The following RNF133 variants were observed in gnomAD, a reference collection of about 807,000 sequenced individuals.
RNF133 encodes the protein E3 ubiquitin-protein ligase RNF133.
For missense variants in RNF133, 469 were observed against 450.5 expected (o/e 1.04, Z -0.37); for synonymous variants, 153 against 152.1 (o/e 1.01, Z -0.04).
chr7:122,698,702 C>T lies in RNF133; in HGVS notation c.217G>A (p.Gly73Arg), dbSNP rs370998344. Residue 73 changes from glycine (G) to arginine (R), a missense_variant, in exon 1 of 1, where the codon GGA (glycine) becomes AGA (arginine). Gly to Arg is a moderately radical substitution (Grantham distance 125). Coordinates refer to ENST00000340112, the MANE Select transcript of RNF133 (RefSeq NM_139175.2). ...TTTCCCTCTGGTGGCACTATAACTC[C>T]TGCCACTCTCTTCAAAGTGGAGCTT... ...GRSSTLKRVA[G>R]VIVPPEGKIQ... 24 of 1,613,290 alleles carry T rather than the reference C, an allele frequency of 1.5e-5. No homozygotes were observed. The highest frequency in any genetic ancestry group is 6.8e-6 in the Non-Finnish European group (8 of 1,179,480).
chr7:122,698,011 A>T lies in RNF133; in HGVS notation c.908T>A (p.Val303Asp). 1 of 1,613,448 alleles carries T rather than the reference A, an allele frequency of 6.2e-7. No individual in the cohort carries two copies. The highest frequency in any genetic ancestry group is 8.5e-7 in the Non-Finnish European group (1 of 1,179,776). The change falls in exon 1 of 1, where the codon GTT becomes GAT. Residue 303 changes from valine to aspartate, a missense_variant. Transcript: ENST00000340112. ...CPICKCDILK[V>D]LGIQVVVENG... ...TTCAACAACCACTTGAATCCCCAAAACTTTAAGAATATCACATTTGCAAAT... is the reference window on the plus strand; with the variant it reads ...TTCAACAACCACTTGAATCCCCAAATCTTTAAGAATATCACATTTGCAAAT...
At position 122,698,610 on chromosome 7, in the gene RNF133, T is replaced by C. The variant is rs373664210; in HGVS notation, c.309A>G (p.Ala103=). 2.7e-5 allele frequency: 43 copies of C among 1,613,946 alleles called. No homozygotes were observed. Among genetic ancestry groups the C allele is most frequent in the Admixed American group, 6.7e-5 (4 of 59,982 alleles). Residue 103 remains alanine (A), a synonymous_variant, in exon 1 of 1, where the codon GCA becomes GCG. Coordinates refer to ENST00000340112, the MANE Select transcript of RNF133 (RefSeq NM_139175.2). ...AGGTACAACCTCCCCGTTCAATAAG[T>C]GCAAGCCAGGTCTCTGAGTACTTTG... The part of the protein sequence containing the change: ...SRSKYSETWL[A]LIERGGCTFT...
Position 122,699,116 on chromosome 7 carries a change from T to C in RNF133, c.-198A>G, listed in dbSNP as rs1225683010. 2 of 540,596 alleles carry C rather than the reference T, an allele frequency of 3.7e-6. No homozygotes were observed. The highest frequency in any genetic ancestry group is 2.9e-5 in the South Asian group (1 of 34,676). 33.5% of individuals were successfully genotyped at this position (540,596 alleles called of 1,614,324 possible). On this transcript the variant is annotated 5_prime_UTR_variant, in exon 1 of 1. Transcript: ENST00000340112. ...CTAGAGAGAGGTGAAAAACTTTAGA[T>C]TGAAAAATAAATCCCCTACTGTTAA...
rs2085620150 is a variant in RNF133, at chr7:122,699,070, T to A, written c.-152A>T. Reference sequence around the variant, plus strand: ...TTTGTAAGAAATTCTTAAAGATGGCTTATGAGTTTCAGATGTCTTACTAGA... The same window carrying A: ...TTTGTAAGAAATTCTTAAAGATGGCATATGAGTTTCAGATGTCTTACTAGA... On this transcript the variant is annotated 5_prime_UTR_variant, in exon 1 of 1. In the 5' UTR this introduces an upstream ATG that the reference lacks. Transcript: ENST00000340112. 6 of 607,448 alleles carry A rather than the reference T, an allele frequency of 9.9e-6. No homozygotes were observed. The highest frequency in any genetic ancestry group is 7.0e-5 in the Admixed American group (2 of 28,460). The allele number at this position is 607,448 out of a possible 1,614,324, so 37.6% of individuals were successfully genotyped here.
In RNF133 at chr7:122,699,060, T is replaced by C. The variant is rs757605766; in HGVS notation, c.-142A>G. The stretch of plus-strand genomic sequence containing the variant: ...CCAGCATGTTTTTGTAAGAAATTCT[T>C]AAAGATGGCTTATGAGTTTCAGATG... On this transcript the variant is annotated 5_prime_UTR_variant, in exon 1 of 1. Transcript: ENST00000340112. The C allele has an allele frequency of 7.4e-5, 46 of 618,808 alleles. No homozygotes were observed. The highest frequency in any genetic ancestry group is 1.2e-4 in the Non-Finnish European group (43 of 357,048). The allele number at this position is 618,808 out of a possible 1,614,324, so 38.3% of individuals were successfully genotyped here.
chr7:122,698,594 C>CT lies in RNF133; in HGVS notation c.324dup (p.Gly109ArgfsTer9). ...TTAATTTTCTGTGTGAAGGTACAAC[C>CT]TCCCCGTTCAATAAGTGCAAGCCAG... On this transcript the variant is annotated frameshift_variant, in exon 1 of 1. Transcript: ENST00000340112. LOFTEE classifies it low-confidence loss of function (END_TRUNC). The CT allele has an allele frequency of 6.2e-7, 1 of 1,613,990 alleles. No homozygotes were observed.
In RNF133 at chr7:122,698,704, G is replaced by C. The variant is rs1025576306; in HGVS notation, c.215C>G (p.Ala72Gly). Residue 72 changes from alanine to glycine, a missense_variant, in exon 1 of 1, where the codon GCA (alanine) becomes GGA (glycine). Transcript: ENST00000340112. ...TCCCTCTGGTGGCACTATAACTCCTGCCACTCTCTTCAAAGTGGAGCTTCT... is the reference window on the plus strand; with the variant it reads ...TCCCTCTGGTGGCACTATAACTCCTCCCACTCTCTTCAAAGTGGAGCTTCT... ...FGRSSTLKRV[A>G]GVIVPPEGKI... The C allele has an allele frequency of 1.2e-6, 2 of 1,613,482 alleles. No individual in the cohort carries two copies. Among genetic ancestry groups the C allele is most frequent in the African/African-American group, 1.3e-5 (1 of 74,914 alleles).
In RNF133 at chr7:122,697,769, T is replaced by C. The variant is rs551798074; in HGVS notation, c.*19A>G. 1 of 1,543,586 alleles carries C rather than the reference T, an allele frequency of 6.5e-7. No individual in the cohort carries two copies. Among genetic ancestry groups the C allele is most frequent in the South Asian group, 1.3e-5 (1 of 77,910 alleles). ...GATTTCACATACAGGTTTAATACAC[T>C]TCCTCAAAAGTCATGCCATCAAGGT... On this transcript the variant is annotated 3_prime_UTR_variant, in exon 1 of 1. Coordinates refer to ENST00000340112, the MANE Select transcript of RNF133 (RefSeq NM_139175.2).
At position 122,698,721 on chromosome 7, in the gene RNF133, G is replaced by T. The variant is rs1564097005; in HGVS notation, c.198C>A (p.Ser66=). 3.1e-6 allele frequency: 5 copies of T among 1,613,582 alleles called. No homozygotes were observed. In the Admixed American group the frequency reaches 6.7e-5, roughly 22 times the overall value. The stretch of plus-strand genomic sequence containing the variant: ...TAACTCCTGCCACTCTCTTCAAAGT[G>T]GAGCTTCTTCCAAAGACTCCAGTCT... ...LGETGVFGRS[S]TLKRVAGVIV... The change falls in exon 1 of 1, where the codon TCC becomes TCA. Residue 66 remains serine, a synonymous_variant. Transcript: ENST00000340112.
At position 122,698,217 on chromosome 7, in the gene RNF133, A is replaced by C. The variant is rs1403978043; in HGVS notation, c.702T>G (p.Phe234Leu). The C allele has an allele frequency of 1.2e-6, 2 of 1,613,904 alleles. No individual in the cohort carries two copies. Among genetic ancestry groups the C allele is most frequent in the Non-Finnish European group, 1.7e-6 (2 of 1,179,944 alleles). The stretch of plus-strand genomic sequence containing the variant: ...TTACTACTCGAAGTTGGAGTTGTCC[A>C]AATGTGTTCTGAAGATCTGTTGTTA... ...QRLTTDLQNT[F>L]GQLQLRVVKE... Residue 234 changes from phenylalanine to leucine, a missense_variant, in exon 1 of 1, where the codon TTT becomes TTG. Transcript: ENST00000340112.
Position 122,697,864 on chromosome 7 carries a change from A to C in RNF133, c.1055T>G (p.Val352Gly). 1 of 1,613,192 alleles carries C rather than the reference A, an allele frequency of 6.2e-7. No homozygotes were observed. Among genetic ancestry groups the C allele is most frequent in the Non-Finnish European group, 8.5e-7 (1 of 1,179,344 alleles). ...ATTCTGAGAAGTAGGGTTCTCCTCCACATGGATTACTTTATCTGAGGTTCC... is the reference window on the plus strand; with the variant it reads ...ATTCTGAGAAGTAGGGTTCTCCTCCCCATGGATTACTTTATCTGAGGTTCC... ...PAGTSDKVIH[V>G]EENPTSQNND... The change falls in exon 1 of 1, where the codon GTG becomes GGG. Residue 352 changes from valine to glycine, a missense_variant. Physicochemically the swap from Val to Gly is moderately radical, Grantham distance 109. Transcript: ENST00000340112.
rs2085624961 is a variant in RNF133 at position 122,699,096 on chromosome 7, G to C, written c.-178C>G. 4 of 561,438 alleles carry C rather than the reference G, an allele frequency of 7.1e-6. No individual in the cohort carries two copies. The highest frequency in any genetic ancestry group is 5.5e-5 in the South Asian group (2 of 36,616). 34.8% of individuals were successfully genotyped at this position (561,438 alleles called of 1,614,324 possible). ...TATGAGTTTCAGATGTCTTACTAGA[G>C]AGAGGTGAAAAACTTTAGATTGAAA... is the stretch of plus-strand genomic sequence containing the variant. On this transcript the variant is annotated 5_prime_UTR_variant, in exon 1 of 1. Transcript: ENST00000340112.
At position 122,698,855 on chromosome 7, in the gene RNF133, T is replaced by G. The variant is rs1273768663; in HGVS notation, c.64A>C (p.Ser22Arg). Reference protein sequence around the residue: ...NTASSWLMKFSVLWLVSQNCC... With the variant: ...NTASSWLMKFRVLWLVSQNCC... ...TTCTGACTAACAAGCCAAAGAACAC[T>G]GAACTTCATAAGCCAGGAAGAGGCA... The change falls in exon 1 of 1, where the codon AGT becomes CGT. Residue 22 changes from serine to arginine, a missense_variant. By Grantham distance (110) the Ser-to-Arg change is moderately radical. Transcript: ENST00000340112. 1 of 1,612,966 alleles carries G rather than the reference T, an allele frequency of 6.2e-7. No individual in the cohort carries two copies. Among genetic ancestry groups the G allele is most frequent in the Admixed American group, 1.7e-5 (1 of 59,938 alleles).
Position 122,698,418 on chromosome 7 carries a change from A to G in RNF133, c.501T>C (p.Ile167=), listed in dbSNP as rs1021338475. 6.2e-7 allele frequency: 1 copy of G among 1,613,820 alleles called. No homozygotes were observed. The highest frequency in any genetic ancestry group is 8.5e-7 in the Non-Finnish European group (1 of 1,179,898). ...NLKGTEIFHL[I]KKGVLITAVV... ...CGGCTGTAATGAGAACTCCCTTCTT[A>G]ATTAAATGGAAAATTTCCGTGCCTT... Residue 167 remains isoleucine (I), a synonymous_variant, in exon 1 of 1, where the codon ATT becomes ATC. Transcript: ENST00000340112.
Position 122,697,960 on chromosome 7 carries a change from AG to A in RNF133, c.958del (p.Leu320Ter). ...GGTTTCAGGCAGTTCATTTGACATT[AG>A]AACTTGCAAAGGTTCTGTTCCATTT... ...VENGTEPLQV[L>X]MSNELPETLS... On this transcript the variant is annotated frameshift_variant, in exon 1 of 1. Coordinates refer to ENST00000340112, the MANE Select transcript of RNF133 (RefSeq NM_139175.2). LOFTEE classifies it low-confidence loss of function (END_TRUNC). 1 of 1,613,700 alleles carries A rather than the reference AG, an allele frequency of 6.2e-7. No individual in the cohort carries two copies. The highest frequency in any genetic ancestry group is 8.5e-7 in the Non-Finnish European group (1 of 1,179,810).
chr7:122,697,846 G>A lies in RNF133; in HGVS notation c.1073C>T (p.Ser358Phe), dbSNP rs974255785. The A allele has an allele frequency of 6.2e-7, 1 of 1,610,720 alleles. No individual in the cohort carries two copies. The highest frequency in any genetic ancestry group is 8.5e-7 in the Non-Finnish European group (1 of 1,178,728). ...KVIHVEENPT[S>F]QNNDIQPHSV... The stretch of plus-strand genomic sequence containing the variant: ...ATGAGGCTGGATGTCATTATTCTGA[G>A]AAGTAGGGTTCTCCTCCACATGGAT... The change falls in exon 1 of 1, where the codon TCT becomes TTT. Residue 358 changes from serine (S) to phenylalanine (F), a missense_variant. Transcript: ENST00000340112.
In RNF133 at chr7:122,698,810, C is replaced by G; in HGVS notation, c.109G>C (p.Val37Leu). 2 of 1,613,830 alleles carry G rather than the reference C, an allele frequency of 1.2e-6. No homozygotes were observed. The highest frequency in any genetic ancestry group is 1.7e-6 in the Non-Finnish European group (2 of 1,179,812). Reference protein sequence around the residue: ...VSQNCCRASVVWMAYMNISFH... With the variant: ...VSQNCCRASVLWMAYMNISFH... Reference sequence around the variant, plus strand: ...GATATGTTCATATAAGCCATCCAAACAACACTTGCTCTGCAACAGTTCTGA... The same window carrying G: ...GATATGTTCATATAAGCCATCCAAAGAACACTTGCTCTGCAACAGTTCTGA... Residue 37 changes from valine to leucine, a missense_variant, in exon 1 of 1, where the codon GTT becomes CTT. Coordinates refer to ENST00000340112, the MANE Select transcript of RNF133 (RefSeq NM_139175.2).
In RNF133 at chr7:122,698,532, G is replaced by C; in HGVS notation, c.387C>G (p.Ile129Met). 6.2e-7 allele frequency: 1 copy of C among 1,614,052 alleles called. No homozygotes were observed. The highest frequency in any genetic ancestry group is 8.5e-7 in the Non-Finnish European group (1 of 1,179,942). ...GGTTGCCAGTACCTGGAACGTTATAGATGATCACTCCACTGGCTCCCTTCT... is the reference window on the plus strand; with the variant it reads ...GGTTGCCAGTACCTGGAACGTTATACATGATCACTCCACTGGCTCCCTTCT... ...ATEKGASGVI[I>M]YNVPGTGNQV... Residue 129 changes from isoleucine (I) to methionine (M), a missense_variant, in exon 1 of 1, where the codon ATC (isoleucine) becomes ATG (methionine). Physicochemically the swap from Ile to Met is conservative, Grantham distance 10. Transcript: ENST00000340112.
chr7:122,698,877 G>C lies in RNF133; in HGVS notation c.42C>G (p.Ala14=), dbSNP rs867580063. 9 of 1,605,750 alleles carry C rather than the reference G, an allele frequency of 5.6e-6. No individual in the cohort carries two copies. In the Middle Eastern group the frequency reaches 1.5e-3, roughly 268 times the overall value. Residue 14 remains alanine (A), a synonymous_variant, in exon 1 of 1, where the codon GCC becomes GCG. Coordinates refer to ENST00000340112, the MANE Select transcript of RNF133 (RefSeq NM_139175.2). ...CACTGAACTTCATAAGCCAGGAAGA[G>C]GCAGTGTTGTTTCTCCAAGTGCCAA... ...LKVGTWRNNT[A]SSWLMKFSVL...
Sources: allele counts gnomAD v4.1 joint callset, GRCh38; gene constraint gnomAD v4.1.1; transcripts MANE v1.5; gene names NCBI Gene and HGNC (gene_info 2026-07-23, HGNC 2026-07-21).